Variants in FBXO34 observed in about 807,000 individuals in gnomAD.
FBXO34 encodes F-box only protein 34.
In FBXO34, 12 loss-of-function variants were observed where a neutral mutation model predicts 24.5. The ratio of observed to expected loss-of-function variants is 0.49; its 90% confidence interval spans 0.31 to 0.79. The LOEUF (loss-of-function observed/expected upper bound fraction) is 0.79, where lower values mean the gene tolerates loss of function less well. FBXO34 is among the 30% of genes least tolerant of loss of function. The probability of loss-of-function intolerance (pLI) is 0.04; values close to 1 mark genes in which losing one functional copy is unlikely to be tolerated. For missense variants in FBXO34, 823 were observed against 857.7 expected (o/e 0.96, Z 0.51); for synonymous variants, 320 against 311.9 (o/e 1.03, Z -0.27).
chr14:55,411,899 G>A, the FBXO34 span: 14,877 of 1,331,646 alleles, frequency 0.011, 119 homozygotes, highest in Middle Eastern at 0.027. Context: ...GGAGGGGCCT[G>A]GGGAAGGGGG....
chr14:55,422,724 G>A, the FBXO34 span, among the ~76,000 whole-genome samples: 2 of 152,094 alleles, frequency 1.3e-5, no homozygotes, highest in Non-Finnish European at 2.9e-5. Flanking sequence ...ATGGTGGCAT[G>A]TGCCTGTAGT....
chr14:55,297,905 G>C (rs1213495520), intron 1 of FBXO34, among the ~76,000 whole-genome samples: 5 of 152,220 alleles, frequency 3.3e-5, no homozygotes, highest in Non-Finnish European at 5.9e-5. Flanking sequence ...AGCTTTCTTT[G>C]TTCCATGCAA....
chr14:55,377,848 C>T, the FBXO34 span: 1 of 1,600,222 alleles, frequency 6.2e-7, no homozygotes. Flanking sequence ...TTGGACTGAC[C>T]AGGTACATTA....
intron 1 of FBXO34, among the ~76,000 whole-genome samples, chr14:55,281,014 A>G (rs1055147149): frequency 1.3e-5 from 2 of 152,208 alleles, no homozygotes; most frequent in African/African-American, 2.4e-5. Context: ...CGTTAACACA[A>G]TATATCCAGA....
chr14:55,369,717 C>G, downstream of FBXO34: 1 of 1,612,160 alleles, frequency 6.2e-7, no homozygotes, highest in Non-Finnish European at 8.5e-7. Context: ...GGTGGGGACG[C>G]CTGGGTGCTC....
the FBXO34 span, chr14:55,428,678 T>C: frequency 4.7e-5 from 47 of 1,003,388 alleles, no homozygotes; most frequent in South Asian, 7.3e-4. Flanking sequence ...TCTTAATCTT[T>C]TCACTATTGT....
intron 3 of FBXO34, among the ~76,000 whole-genome samples, chr14:55,361,335 A>G (rs1217778492): frequency 6.6e-6 from 1 of 152,252 alleles, no homozygotes; most frequent in African/African-American, 2.4e-5. Flanking sequence ...TTTTCTGAGC[A>G]GTAGGTCTCA....
intron 1 of FBXO34, among the ~76,000 whole-genome samples, chr14:55,308,162 G>T (rs1594742282): frequency 6.6e-6 from 1 of 152,096 alleles, no homozygotes; most frequent in Non-Finnish European, 1.5e-5. Context: ...TAATACAGAG[G>T]GTCAGAGAAA....
intron 1 of FBXO34, among the ~76,000 whole-genome samples, chr14:55,331,436 A>G (rs1317972966): frequency 1.3e-5 from 2 of 151,376 alleles, no homozygotes; most frequent in African/African-American, 2.4e-5. Flanking sequence ...GTAATTTTCT[A>G]ATTTCTATGT....
intron 1 of FBXO34, among the ~76,000 whole-genome samples, chr14:55,337,032 A>G (rs558860652): frequency 1.3e-4 from 19 of 149,496 alleles, no homozygotes; most frequent in African/African-American, 2.9e-4. Flanking sequence ...CTAGAGTGCA[A>G]TGACACTATC....
downstream of FBXO34, among the ~76,000 whole-genome samples, chr14:55,363,189 A>ATTTT (rs577527169): frequency 8.5e-3 from 1,163 of 137,502 alleles, 22 homozygotes; most frequent in African/African-American, 0.031. Context: ...CGCCTGGCTA[A>ATTTT]TTTTTTTTTT....
At chr14:55,386,498 G>A in the FBXO34 span, among the ~76,000 whole-genome samples, 122 of 152,330 alleles carry the variant, frequency 8.0e-4, no homozygotes, top group African/African-American at 2.7e-3. Context: ...TCTTAGGTGT[G>A]CCTTGGGCTA....
At chr14:55,322,182 C>T (rs913590155) in intron 1 of FBXO34, among the ~76,000 whole-genome samples, 9 of 151,998 alleles carry the variant, frequency 5.9e-5, no homozygotes, top group East Asian at 1.9e-4. Context: ...TGGTGGCGGG[C>T]GCCTGTAGTC....
the FBXO34 span, among the ~76,000 whole-genome samples, chr14:55,388,633 C>T: frequency 1.3e-5 from 2 of 152,212 alleles, no homozygotes; most frequent in African/African-American, 4.8e-5. Context: ...AGAAATAATT[C>T]ATCAGTCTCT....
At chr14:55,391,558 T>C in the FBXO34 span, among the ~76,000 whole-genome samples, 1 of 151,766 alleles carries the variant, frequency 6.6e-6, no homozygotes, top group African/African-American at 2.4e-5. Context: ...GAGAAAAAAG[T>C]TGAAGGACAT....
In FBXO34 at chr14:55,352,599, C is replaced by G. The variant is rs925850398; in HGVS notation, c.*73C>G. ...CACCTAGATACACCGTTCAAATGAG[C>G]GTAGCCCCCTGAGTCATCACTCTAG... is the stretch of plus-strand genomic sequence containing the variant. On this transcript the variant is annotated 3_prime_UTR_variant, in exon 2 of 2. Transcript: ENST00000313833. The G allele has an allele frequency of 8.0e-7, 1 of 1,247,056 alleles. No homozygotes were observed. Among genetic ancestry groups the G allele is most frequent in the African/African-American group, 1.5e-5 (1 of 66,474 alleles). The allele number at this position is 1,247,056 out of a possible 1,614,324, so 77.2% of individuals were successfully genotyped here. A position where few individuals can be genotyped will look rare whatever the true frequency, so the allele number is the denominator to read the frequency against.
downstream of FBXO34, among the ~76,000 whole-genome samples, chr14:55,358,495 G>A (rs78571191): frequency 7.7e-4 from 117 of 152,266 alleles, no homozygotes; most frequent in African/African-American, 2.7e-3. Context: ...TTCTCAGGAC[G>A]AAGGGATCTG....
the FBXO34 span, among the ~76,000 whole-genome samples, chr14:55,429,998 C>T: frequency 1.3e-5 from 2 of 152,058 alleles, no homozygotes. Context: ...AATTCAAACT[C>T]AACACAAGAA....
chr14:55,436,576 A>G, the FBXO34 span: 1 of 1,614,094 alleles, frequency 6.2e-7, no homozygotes, highest in East Asian at 2.2e-5. Flanking sequence ...TTGAGGTACA[A>G]TTCCACAACA....
Sources: allele counts gnomAD v4.1 joint callset (sites outside exome capture counted in the v4.1 genomes callset), GRCh38; gene constraint gnomAD v4.1.1; transcripts MANE v1.5; gene names NCBI Gene and HGNC (gene_info 2026-07-23, HGNC 2026-07-21).